Variants in KCND3 observed in about 807,000 individuals in gnomAD.
KCND3 encodes A-type voltage-gated potassium channel KCND3.
Under a neutral mutation model 51.1 loss-of-function variants are expected in KCND3, and 9 were observed. That is an observed-to-expected ratio of 0.18 (90% CI 0.11 to 0.31). The LOEUF (loss-of-function observed/expected upper bound fraction) is 0.31, where lower values mean the gene tolerates loss of function less well. KCND3 is among the 10% of genes least tolerant of loss of function. The pLI is 1.00. For synonymous variants in KCND3, 349 were observed against 368.0 expected, an observed-to-expected ratio of 0.95 and a Z score of 0.59; for missense variants, 526 against 903.8, an observed-to-expected ratio of 0.58 and a Z score of 5.36.
chr1:111,905,640 G>T (rs570761278), intron 2 of KCND3, among the ~76,000 whole-genome samples: 4 of 152,276 alleles, frequency 2.6e-5, no homozygotes, highest in African/African-American at 9.6e-5. Flanking sequence ...CAGTCTTCAG[G>T]TGACTATGGC....
intron 2 of KCND3, among the ~76,000 whole-genome samples, chr1:111,906,821 T>C (rs1238332859): frequency 2.6e-5 from 4 of 152,212 alleles, no homozygotes; most frequent in African/African-American, 9.6e-5. Context: ...CAAAGAAAAC[T>C]AGGGAAACAG....
At chr1:111,932,384 G>A (rs1010826363) in intron 2 of KCND3, among the ~76,000 whole-genome samples, 1 of 152,206 alleles carries the variant, frequency 6.6e-6, no homozygotes, top group Admixed American at 6.5e-5. Context: ...CTTGGGTTTT[G>A]TTGGTTTGTT....
intron 2 of KCND3, among the ~76,000 whole-genome samples, chr1:111,962,278 C>A (rs1321689906): frequency 2.0e-5 from 3 of 152,204 alleles, no homozygotes; most frequent in Admixed American, 6.5e-5. Context: ...GCCTTTGGAA[C>A]ACATGCTCTT....
At chr1:111,924,573 G>A (rs538446143) in intron 2 of KCND3, among the ~76,000 whole-genome samples, 1 of 152,258 alleles carries the variant, frequency 6.6e-6, no homozygotes, top group East Asian at 1.9e-4. Flanking sequence ...CCAGCACAAT[G>A]GCCAAAGGTC....
intron 2 of KCND3, among the ~76,000 whole-genome samples, chr1:111,829,781 C>T (rs1028775197): frequency 3.9e-5 from 6 of 152,164 alleles, no homozygotes; most frequent in Admixed American, 6.5e-5. Context: ...TCAAACTCAA[C>T]GTGTTGTTGC....
At chr1:111,949,950 G>T (rs1343827028) in intron 2 of KCND3, among the ~76,000 whole-genome samples, 1 of 152,200 alleles carries the variant, frequency 6.6e-6, no homozygotes, top group Non-Finnish European at 1.5e-5. Flanking sequence ...TCACTCTGTT[G>T]CTCAGGCTGG....
At chr1:111,952,901 C>G (rs1011627795) in intron 2 of KCND3, among the ~76,000 whole-genome samples, 10 of 152,258 alleles carry the variant, frequency 6.6e-5, no homozygotes, top group African/African-American at 2.4e-4. Context: ...GACCTTCCCC[C>G]AAGCCAATTC....
chr1:111,979,505 G>A (rs1372553094), intron 2 of KCND3, among the ~76,000 whole-genome samples: 4 of 140,804 alleles, frequency 2.8e-5, no homozygotes, highest in African/African-American at 9.9e-5. Context: ...ACACCCTGAG[G>A]CCATAATAAA....
chr1:111,982,852 T>C lies in KCND3; in HGVS notation c.-72-54A>G, dbSNP rs919299429. 7.6e-7 allele frequency: 1 copy of C among 1,316,752 alleles called. No homozygotes were observed. The highest frequency in any genetic ancestry group is 1.5e-5 in the African/African-American group (1 of 68,686). The allele number at this position is 1,316,752 out of a possible 1,614,324, so 81.6% of individuals were successfully genotyped here. The stretch of plus-strand genomic sequence containing the variant: ...CGGTGAGTCCATATCGACTGGCAGG[T>C]AAGAAATGGGACACAGGAAAGGATC... On this transcript the variant is annotated intron_variant, in intron 1 of 7. Coordinates refer to ENST00000302127, the MANE Select transcript of KCND3 (RefSeq NM_001378969.1). This position sits in a 1 kb window ranked among gnomAD's most constrained non-coding sequence, Gnocchi z 8.5.
At chr1:111,824,996 C>A (rs1666511653) in intron 2 of KCND3, among the ~76,000 whole-genome samples, 1 of 152,102 alleles carries the variant, frequency 6.6e-6, no homozygotes, top group Non-Finnish European at 1.5e-5. Flanking sequence ...GCAGCAGGAC[C>A]CAGACCAAAC....
At chr1:111,934,955 A>G (rs1438901593) in intron 2 of KCND3, among the ~76,000 whole-genome samples, 2 of 152,246 alleles carry the variant, frequency 1.3e-5, no homozygotes, top group Non-Finnish European at 2.9e-5. Flanking sequence ...CTCAACAACT[A>G]TTAGCTATTC....
At chr1:111,873,466 C>G (rs1668915769) in intron 2 of KCND3, among the ~76,000 whole-genome samples, 2 of 152,162 alleles carry the variant, frequency 1.3e-5, no homozygotes, top group East Asian at 1.9e-4. Flanking sequence ...GAGTCTTACA[C>G]CAGTAGCCCT....
chr1:111,803,774 C>T (rs1006755177), intron 2 of KCND3, among the ~76,000 whole-genome samples: 1 of 152,052 alleles, frequency 6.6e-6, no homozygotes, highest in Non-Finnish European at 1.5e-5. Context: ...ACCACCCTCT[C>T]CGGTTTTGTA....
chr1:111,812,084 T>A (rs897451998), intron 2 of KCND3, among the ~76,000 whole-genome samples: 1 of 152,162 alleles, frequency 6.6e-6, no homozygotes, highest in African/African-American at 2.4e-5. Context: ...TAGTGATGAC[T>A]GGAGGGGTGA....
intron 2 of KCND3, among the ~76,000 whole-genome samples, chr1:111,975,644 T>A (rs938136561): frequency 6.6e-6 from 1 of 152,126 alleles, no homozygotes; most frequent in Non-Finnish European, 1.5e-5. Flanking sequence ...CTCCAGTGAC[T>A]TCCCATGCCA....
chr1:111,880,745 C>T (rs1669262771), intron 2 of KCND3, among the ~76,000 whole-genome samples: 1 of 152,218 alleles, frequency 6.6e-6, no homozygotes, highest in Admixed American at 6.5e-5. Flanking sequence ...TGCAGTGTGC[C>T]TTCGCTCCTG....
In KCND3 at chr1:111,772,370, G is replaced by A. The variant is rs1045948562; in HGVS notation, c.*3707C>T. 1.3e-5 allele frequency: 2 copies of A among 152,182 alleles called. No individual in the cohort carries two copies. Among genetic ancestry groups the A allele is most frequent in the African/African-American group, 4.8e-5 (2 of 41,440 alleles). The allele number at this position is 152,182 out of a possible 1,614,324, so 9.4% of individuals were successfully genotyped here. A position where few individuals can be genotyped will look rare whatever the true frequency, so the allele number is the denominator to read the frequency against. On this transcript the variant is annotated 3_prime_UTR_variant, in exon 8 of 8. Transcript: ENST00000302127. ...TACCCAGAGAATGGTGGTTTCCAAAGTATGGTTTGTATTGGTACAGTCAGG... is the reference window on the plus strand; with the variant it reads ...TACCCAGAGAATGGTGGTTTCCAAAATATGGTTTGTATTGGTACAGTCAGG...
At chr1:111,910,759 C>T (rs1219400445) in intron 2 of KCND3, 1 of 152,196 alleles carries the variant, frequency 6.6e-6, no homozygotes, top group Non-Finnish European at 1.5e-5. Flanking sequence ...CTAGAGGTCT[C>T]CTAACAAGAA....
chr1:111,962,013 C>T (rs1673688527), intron 2 of KCND3, among the ~76,000 whole-genome samples: 1 of 152,174 alleles, frequency 6.6e-6, no homozygotes, highest in Non-Finnish European at 1.5e-5. Context: ...AGTTATTTAC[C>T]AGTAACAGCT....
Sources: gnomAD v4.1 joint callset for allele counts (sites outside exome capture counted in the v4.1 genomes callset) on GRCh38, gnomAD v4.1.1 for gene constraint, Gnocchi (gnomAD v3.1) non-coding constraint, MANE v1.5 for transcripts, NCBI Gene and HGNC (gene_info 2026-07-23, HGNC 2026-07-21) for gene names.